The following SLC10A2 variants were observed in gnomAD, a reference collection of about 807,000 sequenced individuals.
SLC10A2 encodes the protein solute carrier family 10 member 2.
Under a neutral mutation model 27.1 loss-of-function variants are expected in SLC10A2, and 34 were observed. The ratio of observed to expected loss-of-function variants is 1.26; its 90% CI spans 0.96 to 1.67. SLC10A2 has a LOEUF of 1.67. Among genes scored for constraint, SLC10A2 ranks in the 40% most tolerant of loss-of-function variants. The pLI is 0.00. For missense variants in SLC10A2, 530 were observed against 444.4 expected, an observed-to-expected ratio of 1.19 and a Z score of -1.73; for synonymous variants, 205 against 174.0, an observed-to-expected ratio of 1.18 and a Z score of -1.40.
chr13:103,063,927 T>C (rs1176013046), intron 1 of SLC10A2, among the ~76,000 whole-genome samples: 1 of 152,234 alleles, frequency 6.6e-6, no homozygotes, highest in Non-Finnish European at 1.5e-5. Flanking sequence ...TGTCAGTGTC[T>C]GCTTTGCTTT....
At chr13:103,051,973 A>G (rs915561086) in intron 3 of SLC10A2, among the ~76,000 whole-genome samples, 1 of 152,228 alleles carries the variant, frequency 6.6e-6, no homozygotes, top group Admixed American at 6.5e-5. Context: ...ATTTAAAACA[A>G]AATTTGGAGA....
intron 1 of SLC10A2, among the ~76,000 whole-genome samples, chr13:103,065,447 T>G (rs1876243052): frequency 6.6e-6 from 1 of 152,226 alleles, no homozygotes; most frequent in African/African-American, 2.4e-5. Context: ...CACTACAGGT[T>G]CTAATGTTTG....
In SLC10A2 at chr13:103,053,501, A is replaced by G. The variant is rs189930909; in HGVS notation, c.497-793T>C. ...GGTTTGTTTCTCCATGTTATTTAAC[A>G]CTCATTTGTCCAATAGCTGATTTCA... On this transcript the variant is annotated intron_variant, in intron 2 of 5. Transcript: ENST00000245312. Among the ~76,000 whole-genome samples the G allele has an allele frequency of 4.5e-3, 683 of 152,296 alleles. 1 individual carries two copies. The highest frequency in any genetic ancestry group is 7.2e-3 in the Non-Finnish European group (487 of 68,030).
intron 4 of SLC10A2, among the ~76,000 whole-genome samples, chr13:103,050,494 C>A (rs1348560417): frequency 2.0e-5 from 3 of 152,170 alleles, no homozygotes; most frequent in Non-Finnish European, 4.4e-5. Flanking sequence ...TATTCGGCGC[C>A]TTTGGAGGAT....
chr13:103,057,630 C>T (rs928858411), intron 2 of SLC10A2, among the ~76,000 whole-genome samples: 4 of 151,984 alleles, frequency 2.6e-5, no homozygotes, highest in African/African-American at 9.7e-5. Context: ...GCATGTTATC[C>T]CACTTTGGGA....
intron 1 of SLC10A2, among the ~76,000 whole-genome samples, chr13:103,059,245 A>G (rs1876030958): frequency 6.6e-6 from 1 of 152,170 alleles, no homozygotes; most frequent in Non-Finnish European, 1.5e-5. Context: ...TGTTGGCTGC[A>G]TGTGTGACTT....
At chr13:103,060,660 G>C (rs1298859115) in intron 1 of SLC10A2, among the ~76,000 whole-genome samples, 1 of 152,086 alleles carries the variant, frequency 6.6e-6, no homozygotes, top group Non-Finnish European at 1.5e-5. Flanking sequence ...ACAGGCGGGA[G>C]CCACCGCACC....
chr13:103,050,325 T>C (rs950472561), intron 4 of SLC10A2, among the ~76,000 whole-genome samples: 2 of 152,186 alleles, frequency 1.3e-5, no homozygotes, highest in Non-Finnish European at 2.9e-5. Flanking sequence ...ACTCAAACAC[T>C]GCGCTCTTCT....
chr13:103,049,928 C>T (rs918918329), intron 4 of SLC10A2, among the ~76,000 whole-genome samples: 1 of 152,056 alleles, frequency 6.6e-6, no homozygotes, highest in East Asian at 1.9e-4. Context: ...ATTTCTTGAG[C>T]CCAGGTGTCC....
At position 103,046,389 on chromosome 13, in the gene SLC10A2, G is replaced by T. The variant is rs2138909200; in HGVS notation, c.920-129C>A. 4 of 759,860 alleles carry T rather than the reference G, an allele frequency of 5.3e-6. No homozygotes were observed. The East Asian group carries it at 8.3e-5, about 16-fold the overall frequency. 47.1% of individuals were successfully genotyped at this position (759,860 alleles called of 1,614,324 possible). ...TTCTGTAGACTGGAGGCTGCTTAGAGAAAGAAATCACCATTCTTAGTTCTA... is the reference window on the plus strand; with the variant it reads ...TTCTGTAGACTGGAGGCTGCTTAGATAAAGAAATCACCATTCTTAGTTCTA... On this transcript the variant is annotated intron_variant, in intron 5 of 5. Transcript: ENST00000245312.
intron 1 of SLC10A2, among the ~76,000 whole-genome samples, chr13:103,065,484 C>T (rs1375065417): frequency 1.3e-5 from 2 of 152,114 alleles, no homozygotes; most frequent in African/African-American, 4.8e-5. Flanking sequence ...TATGATTGCA[C>T]CCAGAGCTCC....
Position 103,066,333 on chromosome 13 carries a change from C to T in SLC10A2, c.-84G>A, listed in dbSNP as rs200628350. The T allele has an allele frequency of 2.9e-5, 43 of 1,464,644 alleles. No individual in the cohort carries two copies. The highest frequency in any genetic ancestry group is 4.6e-5 in the East Asian group (2 of 43,828). 90.7% of individuals were successfully genotyped at this position (1,464,644 alleles called of 1,614,324 possible). On this transcript the variant is annotated 5_prime_UTR_variant, in exon 1 of 6. Transcript: ENST00000245312. ...CTCTGCTGCTGGTTGAGTTAAGCAACGTTTACTTCTACCCCATCAAACTTT... is the reference window on the plus strand; with the variant it reads ...CTCTGCTGCTGGTTGAGTTAAGCAATGTTTACTTCTACCCCATCAAACTTT...
intron 5 of SLC10A2, among the ~76,000 whole-genome samples, chr13:103,047,270 T>G (rs1383985912): frequency 6.6e-6 from 1 of 152,154 alleles, no homozygotes; most frequent in Non-Finnish European, 1.5e-5. Context: ...GCTTCAAAGA[T>G]CTTATTAACT....
chr13:103,053,258 T>A (rs1422727808), intron 2 of SLC10A2, among the ~76,000 whole-genome samples: 1 of 152,184 alleles, frequency 6.6e-6, no homozygotes, highest in African/African-American at 2.4e-5. Flanking sequence ...TATTCTGACA[T>A]CTGACTTTTG....
At chr13:103,049,546 C>A in intron 4 of SLC10A2, 100 bp from the exon 5 acceptor site, 1 of 1,210,070 alleles carries the variant, frequency 8.3e-7, no homozygotes, top group South Asian at 1.3e-5. Context: ...CATTATGTCT[C>A]TGCTTTTAAT....
chr13:103,055,739 T>C (rs1863443), intron 2 of SLC10A2, among the ~76,000 whole-genome samples: 61,856 of 151,826 alleles, frequency 0.41, 12,875 homozygotes, highest in African/African-American at 0.49. Context: ...AGACTAACTT[T>C]CTTCAAGCCC....
intron 4 of SLC10A2, among the ~76,000 whole-genome samples, chr13:103,049,902 A>G (rs1160619401): frequency 6.6e-6 from 1 of 152,138 alleles, no homozygotes; most frequent in Non-Finnish European, 1.5e-5. Flanking sequence ...GCACTTTGGG[A>G]GGCTGAAGTG....
Position 103,046,106 on chromosome 13 carries a change from A to T in SLC10A2, c.*27T>A. 6.2e-7 allele frequency: 1 copy of T among 1,612,968 alleles called. No homozygotes were observed. The highest frequency in any genetic ancestry group is 8.5e-7 in the Non-Finnish European group (1 of 1,179,092). ...GTTACGGTTTAAGAACGTAATTTGG[A>T]ACTCGTCTGTTTTGTCCACTTGATG... On this transcript the variant is annotated 3_prime_UTR_variant, in exon 6 of 6. Coordinates refer to ENST00000245312, the MANE Select transcript of SLC10A2 (RefSeq NM_000452.3).
rs56059950 is a variant in SLC10A2, at chr13:103,052,530, T to C, written c.585+90A>G. ...AGGCCCCCACTCAACAGTAATCATATAATGAGAATGAAACCATTTCATGGA... is the reference window on the plus strand; with the variant it reads ...AGGCCCCCACTCAACAGTAATCATACAATGAGAATGAAACCATTTCATGGA... On this transcript the variant is annotated intron_variant, in intron 3 of 5. Transcript: ENST00000245312. 4,778 of 924,258 alleles carry C rather than the reference T, an allele frequency of 5.2e-3. 43 individuals carry two copies. Among genetic ancestry groups the C allele is most frequent in the Non-Finnish European group, 4.3e-3 (2,357 of 551,714 alleles). The allele number at this position is 924,258 out of a possible 1,614,324, so 57.3% of individuals were successfully genotyped here.
Sources: allele counts gnomAD v4.1 joint callset (sites outside exome capture counted in the v4.1 genomes callset), GRCh38; gene constraint gnomAD v4.1.1; transcripts MANE v1.5; gene names NCBI Gene and HGNC (gene_info 2026-07-23, HGNC 2026-07-21).